DNAH9: variants seen among roughly 807,000 people sequenced by gnomAD.
DNAH9 encodes DNAH9 variant protein.
Under a neutral mutation model 471.6 loss-of-function variants are expected in DNAH9, and 345 were observed. The ratio of observed to expected loss-of-function variants is 0.73; its 90% CI spans 0.67 to 0.80. The LOEUF (loss-of-function observed/expected upper bound fraction) is 0.80. DNAH9 is among the 30% of genes least tolerant of loss of function. DNAH9 has a pLI of 0.00. For missense variants in DNAH9, 5,407 were observed against 5,609.2 expected, an observed-to-expected ratio of 0.96 and a Z score of 1.15; for synonymous variants, 2,093 against 2,123.6, an observed-to-expected ratio of 0.99 and a Z score of 0.40.
At chr17:11,652,282 T>TTC (rs1446040857) in intron 13 of DNAH9, among the ~76,000 whole-genome samples, 1 of 129,612 alleles carries the variant, frequency 7.7e-6, no homozygotes, top group Non-Finnish European at 1.6e-5. Flanking sequence ...AGGGTAGGCT[T>TTC]TTTTTTTTTT....
At chr17:11,684,885 A>G (rs2074211257) in intron 19 of DNAH9, among the ~76,000 whole-genome samples, 1 of 152,202 alleles carries the variant, frequency 6.6e-6, no homozygotes, top group Admixed American at 6.5e-5. Context: ...GAAAAGGGCA[A>G]TATTTGTCAT....
chr17:11,926,064 C>CAAAAAA (rs1974313284), intron 62 of DNAH9, among the ~76,000 whole-genome samples: 1 of 74,940 alleles, frequency 1.3e-5, no homozygotes, highest in African/African-American at 5.4e-5. Context: ...AAAAAAAAAG[C>CAAAAAA]TGGGGGGGGA....
intron 31 of DNAH9, 152 bp from the exon 32 acceptor site, chr17:11,747,404 A>G: frequency 3.2e-6 from 2 of 629,590 alleles, no homozygotes; most frequent in South Asian, 3.8e-5. Context: ...TGTTGCCCCT[A>G]TATTTCAGAC....
intron 14 of DNAH9, among the ~76,000 whole-genome samples, chr17:11,656,227 T>C (rs1319362724): frequency 2.6e-5 from 4 of 152,180 alleles, no homozygotes; most frequent in Non-Finnish European, 5.9e-5. Context: ...CCAACATCTA[T>C]TTCTTTTATT....
chr17:11,813,327 T>A (rs1373879111), intron 45 of DNAH9, among the ~76,000 whole-genome samples: 4 of 152,226 alleles, frequency 2.6e-5, no homozygotes, highest in Middle Eastern at 3.2e-3. Flanking sequence ...ACCCCCTTTT[T>A]TTCTTAACCA....
chr17:11,727,828 A>G lies in DNAH9; in HGVS notation c.5720A>G (p.Asn1907Ser), dbSNP rs140572660. 2 of 1,613,148 alleles carry G rather than the reference A, an allele frequency of 1.2e-6. No homozygotes were observed. Among genetic ancestry groups the G allele is most frequent in the Non-Finnish European group, 1.7e-6 (2 of 1,179,068 alleles). Residue 1907 changes from asparagine to serine, a missense_variant, in exon 28 of 69, where the codon AAC becomes AGC. Transcript: ENST00000262442. Reference sequence around the variant, plus strand: ...TGCATTTTCTTGCAGTCTTGTGGCAACATCTACAAAGGCCTTGCTCAGACT... The same window carrying G: ...TGCATTTTCTTGCAGTCTTGTGGCAGCATCTACAAAGGCCTTGCTCAGACT... ...SEQMDYKSCG[N>S]IYKGLAQTGA...
chr17:11,698,686 A>G (rs1487046719), intron 22 of DNAH9, among the ~76,000 whole-genome samples: 1 of 151,986 alleles, frequency 6.6e-6, no homozygotes, highest in Non-Finnish European at 1.5e-5. Flanking sequence ...GGCCCTTTGT[A>G]ATTATTCAAG....
At chr17:11,717,398 AAC>A (rs1445600471) in intron 26 of DNAH9, among the ~76,000 whole-genome samples, 4 of 151,966 alleles carry the variant, frequency 2.6e-5, no homozygotes, top group Admixed American at 6.6e-5. Context: ...AAAAAAAAAA[AAC>A]ATTTCGGTCC....
intron 40 of DNAH9, 39 bp downstream of exon 40, chr17:11,783,787 C>G: frequency 6.6e-7 from 1 of 1,512,228 alleles, no homozygotes. Flanking sequence ...CTAATCCTAT[C>G]TTACTAGAGC....
At chr17:11,861,344 G>C (rs550492776) in intron 50 of DNAH9, among the ~76,000 whole-genome samples, 1 of 151,200 alleles carries the variant, frequency 6.6e-6, no homozygotes. Context: ...TCCCTACAAA[G>C]GACATGAACT....
chr17:11,822,568 T>C lies in DNAH9; in HGVS notation c.8981T>C (p.Leu2994Pro). Residue 2994 changes from leucine to proline, a missense_variant, in exon 47 of 69, where the codon CTC becomes CCC. Physicochemically the swap from Leu to Pro is moderately conservative, Grantham distance 98. Transcript: ENST00000262442. ...CAGCAAGCATTGGAGTCTGTCAGCCTCCGCTTCTTGCAGAACACAGAGGGC... is the reference window on the plus strand; with the variant it reads ...CAGCAAGCATTGGAGTCTGTCAGCCCCCGCTTCTTGCAGAACACAGAGGGC... ...WPQQALESVS[L>P]RFLQNTEGIE... 6.2e-7 allele frequency: 1 copy of C among 1,614,142 alleles called. No homozygotes were observed. Among genetic ancestry groups the C allele is most frequent in the Non-Finnish European group, 8.5e-7 (1 of 1,180,028 alleles).
At chr17:11,644,555 G>A in intron 10 of DNAH9, 76 bp from the exon 11 acceptor site, 3 of 1,060,838 alleles carry the variant, frequency 2.8e-6, no homozygotes, top group Non-Finnish European at 4.3e-6. Context: ...CTTCTTTGGA[G>A]ACTGCAGTTT....
At position 11,897,843 on chromosome 17, in the gene DNAH9, C is replaced by A. The variant is rs113141214; in HGVS notation, c.11406+3347C>A. Among the ~76,000 whole-genome samples the A allele has an allele frequency of 2.1e-4, 32 of 152,352 alleles. 1 individual carries two copies. Among genetic ancestry groups the A allele is most frequent in the African/African-American group, 7.5e-4 (31 of 41,582 alleles). On this transcript the variant is annotated intron_variant, in intron 59 of 68. Transcript: ENST00000262442. The stretch of plus-strand genomic sequence containing the variant: ...GCTGTATTTGTTTCCTAGAGCTGTT[C>A]TAAGAAAGTACTACAATGGAGTGGC...
At chr17:11,677,133 T>C (rs1171414036) in intron 17 of DNAH9, among the ~76,000 whole-genome samples, 1 of 152,160 alleles carries the variant, frequency 6.6e-6, no homozygotes, top group Non-Finnish European at 1.5e-5. Context: ...GAATGTTCTA[T>C]GTATGCCTAT....
intron 38 of DNAH9, among the ~76,000 whole-genome samples, chr17:11,778,340 A>G (rs1334951747): frequency 2.5e-3 from 316 of 124,402 alleles, no homozygotes; most frequent in African/African-American, 0.012. Context: ...AAAAAAAAAA[A>G]AAAAAAAAAA....
rs565784400 is a variant in DNAH9 at position 11,956,263 on chromosome 17, T to C, written c.12844-5604T>C. On this transcript the variant is annotated intron_variant, in intron 67 of 68. Coordinates refer to ENST00000262442, the MANE Select transcript of DNAH9 (RefSeq NM_001372.4). ...TTACCATGGATGAAGAGGAGTATTA[T>C]ATAATAAGTCAATTTTTCAAGAGGA... Among the ~76,000 whole-genome samples, 185 of 152,302 alleles carry C rather than the reference T, an allele frequency of 1.2e-3. 3 individuals carry two copies. The highest frequency in any genetic ancestry group is 4.2e-3 in the African/African-American group (173 of 41,580).
chr17:11,640,290 A>G lies in DNAH9; in HGVS notation c.1807A>G (p.Asn603Asp). 2 of 1,613,436 alleles carry G rather than the reference A, an allele frequency of 1.2e-6. No individual in the cohort carries two copies. The highest frequency in any genetic ancestry group is 1.7e-5 in the Admixed American group (1 of 59,980). ...AELGFSPVHK[N>D]MPTVAGGLRW... ...TCCAGGGTTCTCCCCGGTGCACAAG[A>G]ACATGCCCACCGTGGCTGGCGGCCT... The change falls in exon 10 of 69, where the codon AAC becomes GAC. Residue 603 changes from asparagine (N) to aspartate (D), a missense_variant. Asn to Asp is a conservative substitution (Grantham distance 23). Around this residue, in one of 3 missense-constraint regions of DNAH9, gnomAD observed 4,636 missense variants for 4,900.3 expected, o/e 0.95. Transcript: ENST00000262442.
At chr17:11,800,510 T>TA (rs1308675280) in intron 43 of DNAH9, among the ~76,000 whole-genome samples, 1 of 152,140 alleles carries the variant, frequency 6.6e-6, no homozygotes, top group African/African-American at 2.4e-5. Context: ...CCTTGCCTCT[T>TA]ACATTCCTTT....
chr17:11,722,195 A>G (rs950416111), intron 27 of DNAH9, among the ~76,000 whole-genome samples: 1 of 152,204 alleles, frequency 6.6e-6, no homozygotes, highest in African/African-American at 2.4e-5. Context: ...AGGTCTGTCC[A>G]TAGTGAAAGC....
Sources: gnomAD v4.1 joint callset for allele counts (sites outside exome capture counted in the v4.1 genomes callset) on GRCh38, gnomAD v4.1.1 for gene constraint, gnomAD v4.1.1 regional missense constraint, MANE v1.5 for transcripts, NCBI Gene and HGNC (gene_info 2026-07-23, HGNC 2026-07-21) for gene names.